KIF1C: variants seen among roughly 807,000 people sequenced by gnomAD.
The protein encoded by KIF1C is kinesin family member 1C.
KIF1C carries 61 observed loss-of-function variants against 126.5 expected under a neutral mutation model. That is an observed-to-expected ratio of 0.48 (90% CI 0.39 to 0.60). The LOEUF is 0.60. KIF1C is among the 20% of genes least tolerant of loss of function. KIF1C has a pLI of 0.00. For synonymous variants in KIF1C, 640 were observed against 580.6 expected (o/e 1.10, Z -1.47); for missense variants, 1,315 against 1,489.2 (o/e 0.88, Z 1.93).
At chr17:5,019,017 G>A (rs541070146) in intron 18 of KIF1C, among the ~76,000 whole-genome samples, 72 of 151,934 alleles carry the variant, frequency 4.7e-4, no homozygotes, top group African/African-American at 1.5e-3. Context: ...CTGTTTCCCC[G>A]ACCCACCGTG....
At chr17:5,000,725 A>G (rs1324897045) in intron 3 of KIF1C, 47 bp from the exon 4 acceptor site, 4 of 1,566,372 alleles carry the variant, frequency 2.6e-6, no homozygotes, top group African/African-American at 1.4e-5. Flanking sequence ...AGGGACTGGG[A>G]ATACCTGACC....
chr17:5,005,116 A>C, intron 13 of KIF1C, 116 bp downstream of exon 13: 2 of 1,300,370 alleles, frequency 1.5e-6, no homozygotes, highest in Non-Finnish European at 2.2e-6. Context: ...GAAACCTTTC[A>C]TGTGCTCAGT....
In KIF1C at chr17:5,027,912, C is replaced by T. The variant is rs8076995; in HGVS notation, c.*3761C>T. On this transcript the variant is annotated 3_prime_UTR_variant, in exon 23 of 23. Transcript: ENST00000320785. The stretch of plus-strand genomic sequence containing the variant: ...GCTTGAGCCTGGGAGGTCAAGGCTG[C>T]GGTGACCTGTGATTGCACCACCAGG... 12,230 of 152,072 alleles carry T rather than the reference C, an allele frequency of 0.08. 663 individuals are homozygous for T. The highest frequency in any genetic ancestry group is 0.12 in the Middle Eastern group (36 of 294). 9.4% of individuals were successfully genotyped at this position (152,072 alleles called of 1,614,324 possible).
rs760360183 is a variant in KIF1C at position 5,004,628 on chromosome 17, G to A, written c.1002G>A (p.Glu334=). Reference sequence around the variant, plus strand: ...GCCCTGCTGACATCAATTACGAGGAGACTCTCAGCACCCTCAGGTGAGGCT... The same window carrying A: ...GCCCTGCTGACATCAATTACGAGGAAACTCTCAGCACCCTCAGGTGAGGCT... ...ALSPADINYE[E]TLSTLRYADR... Residue 334 remains glutamate (E), a synonymous_variant, in exon 12 of 23, where the codon GAG becomes GAA. Transcript: ENST00000320785. The A allele has an allele frequency of 6.2e-7, 1 of 1,614,162 alleles. No individual in the cohort carries two copies. Among genetic ancestry groups the A allele is most frequent in the South Asian group, 1.1e-5 (1 of 91,080 alleles).
intron 17 of KIF1C, 21 bp from the exon 18 acceptor site, chr17:5,014,722 C>A: frequency 6.4e-7 from 1 of 1,556,088 alleles, no homozygotes; most frequent in Non-Finnish European, 8.7e-7. Flanking sequence ...TGCTCACAAA[C>A]GTTGGCCATT....
At position 5,023,317 on chromosome 17, in the gene KIF1C, C is replaced by T. The variant is rs1161467679; in HGVS notation, c.2629-151C>T. 3.0e-6 allele frequency: 2 copies of T among 672,414 alleles called. No individual in the cohort carries two copies. The highest frequency in any genetic ancestry group is 3.6e-5 in the African/African-American group (2 of 54,950). The allele number at this position is 672,414 out of a possible 1,614,324, so 41.7% of individuals were successfully genotyped here. A position where few individuals can be genotyped will look rare whatever the true frequency, so the allele number is the denominator to read the frequency against. On this transcript the variant is annotated intron_variant, in intron 22 of 22. Coordinates refer to ENST00000320785, the MANE Select transcript of KIF1C (RefSeq NM_006612.6). This position sits in a 1 kb window ranked among gnomAD's most constrained non-coding sequence, Gnocchi z 4.2. ...TACAGGCGTGAGCCACTGCGCCCGG[C>T]CCTAAACCACTATTTTTCGAGCTTC...
Position 5,002,481 on chromosome 17 carries a change from C to G in KIF1C, c.447C>G (p.Ile149Met). Residue 149 changes from isoleucine (I) to methionine (M), a missense_variant, in exon 7 of 23, where the codon ATC (isoleucine) becomes ATG (methionine). Physicochemically the swap from Ile to Met is conservative, Grantham distance 10. Transcript: ENST00000320785. ...SYSVEVSYME[I>M]YCERVRDLLN... ...CCACTCAGGTGAGCTATATGGAGAT[C>G]TACTGTGAGCGGGTACGAGACCTCT... 1 of 1,603,218 alleles carries G rather than the reference C, an allele frequency of 6.2e-7. No homozygotes were observed. The highest frequency in any genetic ancestry group is 8.5e-7 in the Non-Finnish European group (1 of 1,172,916).
At chr17:5,012,144 ACT>A (rs1424706296) in intron 16 of KIF1C, 1 of 151,896 alleles carries the variant, frequency 6.6e-6, no homozygotes, top group Non-Finnish European at 1.5e-5. Context: ...CCCCTAGCTG[ACT>A]CTCATTTCCT....
Position 5,002,080 on chromosome 17 carries a change from C to A in KIF1C, c.385C>A (p.Arg129Ser), listed in dbSNP as rs745851014. 1 of 1,613,936 alleles carries A rather than the reference C, an allele frequency of 6.2e-7. No individual in the cohort carries two copies. The highest frequency in any genetic ancestry group is 8.5e-7 in the Non-Finnish European group (1 of 1,179,952). The change falls in exon 6 of 23, where the codon CGC becomes AGC. Residue 129 changes from arginine (R) to serine (S), a missense_variant. Transcript: ENST00000320785. ...VPQLCEDLFS[R>S]VSENQSAQLS... ...CCAGCTCTGTGAGGACCTCTTCTCT[C>A]GCGTTAGTGAGAACCAGAGTGCTCA... is the stretch of plus-strand genomic sequence containing the variant.
chr17:5,001,228 G>T lies in KIF1C; in HGVS notation c.190G>T (p.Asp64Tyr). The stretch of plus-strand genomic sequence containing the variant: ...TGCCCCCACTTTCTCCTAGACGGAG[G>T]ACCCCCAGTTTGCATCTCAGCAGCA... Reference protein sequence around the residue: ...YSYWSHTSTEDPQFASQQQVY... With the variant: ...YSYWSHTSTEYPQFASQQQVY... Residue 64 changes from aspartate (D) to tyrosine (Y), a missense_variant, in exon 5 of 23, where the codon GAC becomes TAC. This residue lies in a region of KIF1C where 874 missense variants were observed against 1,053.2 expected (regional missense o/e 0.83). Coordinates refer to ENST00000320785, the MANE Select transcript of KIF1C (RefSeq NM_006612.6). The T allele has an allele frequency of 6.2e-7, 1 of 1,614,028 alleles. No individual in the cohort carries two copies. The highest frequency in any genetic ancestry group is 8.5e-7 in the Non-Finnish European group (1 of 1,179,948).
intron 14 of KIF1C, 28 bp from the exon 15 acceptor site, chr17:5,007,235 C>T: frequency 6.3e-7 from 1 of 1,596,092 alleles, no homozygotes; most frequent in South Asian, 1.1e-5. Context: ...CCAGACCATC[C>T]TGAAACCTAC....
Position 5,026,398 on chromosome 17 carries a change from G to T in KIF1C, c.*2247G>T, listed in dbSNP as rs1304497924. The T allele has an allele frequency of 6.6e-6, 1 of 151,926 alleles. No individual in the cohort carries two copies. Among genetic ancestry groups the T allele is most frequent in the Non-Finnish European group, 1.5e-5 (1 of 67,992 alleles). 9.4% of individuals were successfully genotyped at this position (151,926 alleles called of 1,614,324 possible). On this transcript the variant is annotated 3_prime_UTR_variant, in exon 23 of 23. Coordinates refer to ENST00000320785, the MANE Select transcript of KIF1C (RefSeq NM_006612.6). Reference sequence around the variant, plus strand: ...AAAATAGCTTGCTAATTTAAAAGACGGATTATTTTTCCCTAAAGACCTTGA... The same window carrying T: ...AAAATAGCTTGCTAATTTAAAAGACTGATTATTTTTCCCTAAAGACCTTGA...
chr17:5,010,491 G>A (rs1255419586), intron 16 of KIF1C, among the ~76,000 whole-genome samples: 2 of 152,006 alleles, frequency 1.3e-5, no homozygotes, highest in African/African-American at 4.8e-5. Context: ...GCTCACGCCT[G>A]TAATCCCAGC....
chr17:4,999,062 C>T (rs935469498), intron 1 of KIF1C: 3 of 152,208 alleles, frequency 2.0e-5, no homozygotes, highest in African/African-American at 4.8e-5. Context: ...TCTGGGCGCC[C>T]CAAGGGTGGA....
chr17:5,008,852 C>T (rs571625556), intron 16 of KIF1C, among the ~76,000 whole-genome samples: 11 of 152,276 alleles, frequency 7.2e-5, no homozygotes, highest in Non-Finnish European at 1.3e-4. Flanking sequence ...TTCCAGCCAC[C>T]TTTGTATACC....
rs1215158844 is a variant in KIF1C, at chr17:4,998,040, C to A, written c.-265C>A. ...GTCCGCCGCCCGCCGCCCGGGCACC[C>A]GGCGAGGGGCGGGGGCAGCTCCGAA... On this transcript the variant is annotated 5_prime_UTR_variant, in exon 1 of 23. Transcript: ENST00000320785. The A allele has an allele frequency of 1.3e-5, 2 of 150,044 alleles. No individual in the cohort carries two copies. Among genetic ancestry groups the A allele is most frequent in the Admixed American group, 6.6e-5 (1 of 15,114 alleles). The allele number at this position is 150,044 out of a possible 1,614,324, so 9.3% of individuals were successfully genotyped here.
Position 5,022,688 on chromosome 17 carries a change from G to A in KIF1C, c.2607G>A (p.Glu869=). 6.4e-7 allele frequency: 1 copy of A among 1,562,022 alleles called. No individual in the cohort carries two copies. Among genetic ancestry groups the A allele is most frequent in the Non-Finnish European group, 8.7e-7 (1 of 1,154,704 alleles). Reference sequence around the variant, plus strand: ...TGCGGGACCGCATGCTCCGCATGGAGAGGGTCATCCCCCTGGCCCAGGTAG... The same window carrying A: ...TGCGGGACCGCATGCTCCGCATGGAAAGGGTCATCCCCCTGGCCCAGGTAG... The part of the protein sequence containing the change: ...QALRDRMLRM[E]RVIPLAQDHE... The change falls in exon 22 of 23, where the codon GAG becomes GAA. Residue 869 remains glutamate (E), a synonymous_variant. Coordinates refer to ENST00000320785, the MANE Select transcript of KIF1C (RefSeq NM_006612.6). This position sits in a 1 kb window ranked among gnomAD's most constrained non-coding sequence, Gnocchi z 4.9.
At chr17:5,013,622 TC>T (rs1231226592) in intron 16 of KIF1C, 30 bp from the exon 17 acceptor site, 3 of 1,559,904 alleles carry the variant, frequency 1.9e-6, no homozygotes, top group Non-Finnish European at 2.7e-6. Context: ...CCTGGCTGGC[TC>T]CCCCTGACCA....
intron 11 of KIF1C, 27 bp downstream of exon 11, chr17:5,004,100 C>T (rs752450309): frequency 2.2e-5 from 32 of 1,485,588 alleles, no homozygotes; most frequent in South Asian, 9.0e-5. Flanking sequence ...CTTTCTCTGC[C>T]GACCCTGACA....
Sources: gnomAD v4.1 joint callset for allele counts (sites outside exome capture counted in the v4.1 genomes callset) on GRCh38, gnomAD v4.1.1 for gene constraint, gnomAD v4.1.1 regional missense constraint, Gnocchi (gnomAD v3.1) non-coding constraint, MANE v1.5 for transcripts, NCBI Gene and HGNC (gene_info 2026-07-23, HGNC 2026-07-21) for gene names.